Variants in CDK13 observed in about 807,000 individuals in gnomAD.
The protein encoded by CDK13 is cyclin-dependent kinase 13.
In CDK13, 40 loss-of-function variants were observed where a neutral mutation model predicts 137.6. The observed-to-expected ratio is 0.29, with a 90% CI of 0.23 to 0.38. The LOEUF (loss-of-function observed/expected upper bound fraction) is 0.38, where lower values mean the gene tolerates loss of function less well. CDK13 is among the 10% of genes least tolerant of loss of function. CDK13 has a pLI of 1.00. For missense variants in CDK13, 1,704 were observed against 1,951.8 expected (o/e 0.87, Z 2.39); for synonymous variants, 869 against 760.1 (o/e 1.14, Z -2.36).
intron 1 of CDK13, among the ~76,000 whole-genome samples, chr7:39,967,522 A>G (rs1583919489): frequency 6.6e-6 from 1 of 152,304 alleles, no homozygotes; most frequent in East Asian, 1.9e-4. Context: ...TTGCTTCCAT[A>G]TCTGAGCTAT....
chr7:40,077,580 C>T (rs1294956373), intron 9 of CDK13, among the ~76,000 whole-genome samples: 6 of 152,118 alleles, frequency 3.9e-5, no homozygotes, highest in African/African-American at 7.2e-5. Context: ...GAGGGCCGGG[C>T]GTGGTGGCTC....
chr7:39,951,949 G>C (rs1029932979), intron 1 of CDK13, 97 bp downstream of exon 1: 1 of 1,233,938 alleles, frequency 8.1e-7, no homozygotes, highest in Admixed American at 3.4e-5. Flanking sequence ...AACGACTCAG[G>C]TCCACCACCG....
At chr7:39,980,862 T>C (rs1419935007) in intron 1 of CDK13, among the ~76,000 whole-genome samples, 1 of 152,154 alleles carries the variant, frequency 6.6e-6, no homozygotes, top group Non-Finnish European at 1.5e-5. Flanking sequence ...GAACACTAAA[T>C]AGTCTAACAA....
chr7:39,951,000 T>A lies in CDK13; in HGVS notation c.359T>A (p.Val120Asp), dbSNP rs949933113. 7.7e-7 allele frequency: 1 copy of A among 1,306,668 alleles called. No homozygotes were observed. Among genetic ancestry groups the A allele is most frequent in the Non-Finnish European group, 9.7e-7 (1 of 1,031,524 alleles). The allele number at this position is 1,306,668 out of a possible 1,614,324, so 80.9% of individuals were successfully genotyped here. Residue 120 changes from valine to aspartate, a missense_variant, in exon 1 of 14, where the codon GTC becomes GAC. Around this residue, in one of 5 missense-constraint regions of CDK13, gnomAD observed 1,051 missense variants for 931.0 expected, o/e 1.13. Transcript: ENST00000181839. ...RAGQEAEKRR[V>D]FSLPQPQQDG... ...GGGCAGGAGGCGGAGAAGCGTCGGG[T>A]CTTCTCGCTGCCCCAGCCGCAGCAG...
At chr7:40,076,165 G>C (rs1786540437) in intron 9 of CDK13, among the ~76,000 whole-genome samples, 1 of 152,032 alleles carries the variant, frequency 6.6e-6, no homozygotes, top group African/African-American at 2.4e-5. Flanking sequence ...TTCTATTATA[G>C]TGCACAACAG....
intron 1 of CDK13, among the ~76,000 whole-genome samples, chr7:39,959,231 G>A (rs1042498617): frequency 2.7e-5 from 4 of 150,020 alleles, no homozygotes; most frequent in Middle Eastern, 3.4e-3. Flanking sequence ...GTGCGATCTC[G>A]GCTCACCGCA....
chr7:40,059,352 T>TTTTGA (rs1382610696), intron 7 of CDK13: 1 of 152,780 alleles, frequency 6.5e-6, no homozygotes, highest in Non-Finnish European at 1.5e-5. Flanking sequence ...GCTTTTTGTT[T>TTTTGA]TTTGTTTTGT....
chr7:39,957,090 C>CGTGT (rs70996865), intron 1 of CDK13, among the ~76,000 whole-genome samples: 8,915 of 140,910 alleles, frequency 0.063, 331 homozygotes, highest in African/African-American at 0.1. Context: ...ATCCCACTGT[C>CGTGT]GTGTGTGTGT....
At chr7:40,038,144 T>C (rs1253474616) in intron 5 of CDK13, among the ~76,000 whole-genome samples, 4 of 152,174 alleles carry the variant, frequency 2.6e-5, no homozygotes, top group African/African-American at 9.7e-5. Flanking sequence ...GGGTAACTAT[T>C]TTAAATGTTT....
intron 7 of CDK13, among the ~76,000 whole-genome samples, chr7:40,050,169 A>ATT (rs1473235798): frequency 6.6e-6 from 1 of 152,048 alleles, no homozygotes; most frequent in Non-Finnish European, 1.5e-5. Flanking sequence ...CTTAACGTTG[A>ATT]TTCCCTATCC....
At chr7:40,048,758 A>G (rs1454393635) in intron 7 of CDK13, 3 of 151,428 alleles carry the variant, frequency 2.0e-5, no homozygotes, top group African/African-American at 7.4e-5. Context: ...TCTCGTTTGA[A>G]TTTTTCAGAG....
In CDK13 at chr7:40,093,142, A is replaced by C; in HGVS notation, c.3593A>C (p.Gln1198Pro). The C allele has an allele frequency of 6.2e-7, 1 of 1,614,218 alleles. No homozygotes were observed. Among genetic ancestry groups the C allele is most frequent in the Non-Finnish European group, 8.5e-7 (1 of 1,180,034 alleles). The change falls in exon 13 of 14, where the codon CAG becomes CCG. Residue 1198 changes from glutamine to proline, a missense_variant. By Grantham distance (76) the Gln-to-Pro change is moderately conservative (BLOSUM62 -1). Around this residue, in one of 5 missense-constraint regions of CDK13, gnomAD observed 475 missense variants for 579.3 expected, o/e 0.82. Transcript: ENST00000181839. ...TTAATAAAGGCTCAGCAGTCAAAGC[A>C]GAAAGATGTGCTACTAGAAGAGAGG... Reference protein sequence around the residue: ...TQLIKAQQSKQKDVLLEEREN... With the variant: ...TQLIKAQQSKPKDVLLEEREN...
At chr7:40,011,869 T>C (rs1784901714) in intron 5 of CDK13, among the ~76,000 whole-genome samples, 1 of 152,350 alleles carries the variant, frequency 6.6e-6, no homozygotes, top group South Asian at 2.1e-4. Context: ...GGGAAGATAT[T>C]TGTATATTGT....
At chr7:40,092,021 C>T (rs995881214) in intron 12 of CDK13, among the ~76,000 whole-genome samples, 1 of 151,888 alleles carries the variant, frequency 6.6e-6, no homozygotes, top group African/African-American at 2.4e-5. Flanking sequence ...CAACTGAATC[C>T]TTATTACTGG....
intron 5 of CDK13, among the ~76,000 whole-genome samples, chr7:40,036,340 A>C (rs1431216818): frequency 6.6e-6 from 1 of 152,084 alleles, no homozygotes; most frequent in East Asian, 1.9e-4. Context: ...AAATATTCAA[A>C]CATCTAAAAG....
At chr7:40,075,460 T>G (rs1174713291) in intron 9 of CDK13, among the ~76,000 whole-genome samples, 2 of 152,076 alleles carry the variant, frequency 1.3e-5, no homozygotes, top group Admixed American at 6.5e-5. Context: ...AAATTTTTAT[T>G]GAAATAAAAT....
chr7:40,041,696 G>A (rs553385647), intron 5 of CDK13, among the ~76,000 whole-genome samples: 1 of 152,170 alleles, frequency 6.6e-6, no homozygotes, highest in East Asian at 1.9e-4. Flanking sequence ...CAGAGATAGC[G>A]GTATGTGTAT....
rs749782945 is a variant in CDK13 at position 40,063,115 on chromosome 7, A to G, written c.2780+15A>G. 3 of 1,576,604 alleles carry G rather than the reference A, an allele frequency of 1.9e-6. No individual in the cohort carries two copies. The highest frequency in any genetic ancestry group is 4.5e-5 in the East Asian group (2 of 44,698). ...GAATTAATAAGGTAAGCTGCTGATTATAATATTGGTGGGAATTGGGAGAGT... is the reference window on the plus strand; with the variant it reads ...GAATTAATAAGGTAAGCTGCTGATTGTAATATTGGTGGGAATTGGGAGAGT... On this transcript the variant is annotated intron_variant, in intron 9 of 13. Coordinates refer to ENST00000181839, the MANE Select transcript of CDK13 (RefSeq NM_003718.5).
In CDK13 at chr7:40,095,035, C is replaced by T. The variant is rs1787016125; in HGVS notation, c.*55C>T. On this transcript the variant is annotated 3_prime_UTR_variant, in exon 14 of 14. Coordinates refer to ENST00000181839, the MANE Select transcript of CDK13 (RefSeq NM_003718.5). ...TTATCTGGAAAGACTTTTCTAGCTG[C>T]AATTTAAGGCAGCAATCCAAGAGAC... 7.6e-7 allele frequency: 1 copy of T among 1,318,084 alleles called. No individual in the cohort carries two copies. The highest frequency in any genetic ancestry group is 9.8e-7 in the Non-Finnish European group (1 of 1,018,420). The allele number at this position is 1,318,084 out of a possible 1,614,324, so 81.6% of individuals were successfully genotyped here.
Sources: gnomAD v4.1 joint callset for allele counts (sites outside exome capture counted in the v4.1 genomes callset) on GRCh38, gnomAD v4.1.1 for gene constraint, gnomAD v4.1.1 regional missense constraint, MANE v1.5 for transcripts, NCBI Gene and HGNC (gene_info 2026-07-23, HGNC 2026-07-21) for gene names.